The following CHCHD6 variants were observed in gnomAD, a reference collection of about 807,000 sequenced individuals.
CHCHD6 encodes coiled-coil-helix-coiled-coil-helix domain containing 6.
CHCHD6 carries 28 observed loss-of-function variants against 32.3 expected under a neutral mutation model. The ratio of observed to expected loss-of-function variants is 0.87; its 90% CI spans 0.64 to 1.19. CHCHD6 has a LOEUF of 1.19. CHCHD6 is among the 50% of genes most tolerant of loss of function. The probability of loss-of-function intolerance (pLI) is 0.00; values close to 1 mark genes in which losing one functional copy is unlikely to be tolerated. For synonymous variants in CHCHD6, 122 were observed against 117.5 expected (o/e 1.04, Z -0.25); for missense variants, 333 against 307.0 (o/e 1.08, Z -0.63).
chr3:126,910,020 T>C (rs1325051753), intron 5 of CHCHD6, among the ~76,000 whole-genome samples: 4 of 152,206 alleles, frequency 2.6e-5, no homozygotes, highest in Non-Finnish European at 5.9e-5. Flanking sequence ...GTCACGCCTA[T>C]AATCCCAACA....
chr3:126,817,693 A>G (rs1206053996), intron 4 of CHCHD6, among the ~76,000 whole-genome samples: 2 of 152,108 alleles, frequency 1.3e-5, no homozygotes, highest in Non-Finnish European at 2.9e-5. Flanking sequence ...CGTAGGTAGC[A>G]CTCGAGGCCC....
chr3:126,770,071 G>C lies in CHCHD6; in HGVS notation c.411+36849G>C, dbSNP rs9822526. 2.0e-3 allele frequency among the ~76,000 whole-genome samples: 301 copies of C among 151,996 alleles called. 3 individuals carry two copies. The highest frequency in any genetic ancestry group is 6.9e-3 in the African/African-American group (285 of 41,452). ...AGAGATTTTTTACCTCCTTGGTTAC[G>C]TGTATTCTAAGGTATTTTATTCTTT... On this transcript the variant is annotated intron_variant, in intron 4 of 7. Transcript: ENST00000290913.
chr3:126,875,590 C>T (rs2077529832), intron 5 of CHCHD6, among the ~76,000 whole-genome samples: 1 of 152,178 alleles, frequency 6.6e-6, no homozygotes, highest in African/African-American at 2.4e-5. Flanking sequence ...ATGAAAGACT[C>T]CCGAGGCTTC....
intron 4 of CHCHD6, among the ~76,000 whole-genome samples, chr3:126,794,297 T>TTA (rs900070136): frequency 1.1e-4 from 16 of 148,140 alleles, no homozygotes; most frequent in Non-Finnish European, 1.8e-4. Flanking sequence ...TTGTATATAT[T>TTA]TATATATATA....
chr3:126,859,620 A>T (rs1941786613), intron 5 of CHCHD6, among the ~76,000 whole-genome samples: 1 of 152,210 alleles, frequency 6.6e-6, no homozygotes, highest in Non-Finnish European at 1.5e-5. Flanking sequence ...TCCTTGCAGC[A>T]ACCCTGTAAG....
intron 4 of CHCHD6, among the ~76,000 whole-genome samples, chr3:126,803,604 A>G (rs942438062): frequency 6.6e-6 from 1 of 152,220 alleles, no homozygotes; most frequent in Non-Finnish European, 1.5e-5. Flanking sequence ...AGACTCCCAC[A>G]CAATAATAAT....
intron 4 of CHCHD6, among the ~76,000 whole-genome samples, chr3:126,840,842 G>A (rs1294218646): frequency 2.0e-5 from 3 of 151,796 alleles, no homozygotes; most frequent in Non-Finnish European, 4.4e-5. Context: ...GTATGGGTTA[G>A]GAAACTCTGG....
intron 4 of CHCHD6, among the ~76,000 whole-genome samples, chr3:126,847,566 C>G (rs1365315994): frequency 6.6e-6 from 1 of 152,148 alleles, no homozygotes; most frequent in Non-Finnish European, 1.5e-5. Context: ...AATAATGAGT[C>G]TCAAGTTCCA....
At chr3:126,917,013 A>G (rs2078181424) in intron 6 of CHCHD6, among the ~76,000 whole-genome samples, 1 of 152,220 alleles carries the variant, frequency 6.6e-6, no homozygotes, top group South Asian at 2.1e-4. Context: ...GCCCACCATC[A>G]TGAGGGCAGG....
chr3:126,859,130 T>C (rs1421945873), intron 5 of CHCHD6, among the ~76,000 whole-genome samples: 1 of 152,158 alleles, frequency 6.6e-6, no homozygotes, highest in Non-Finnish European at 1.5e-5. Flanking sequence ...AGTAAATGTT[T>C]GCAGGAATAA....
At chr3:126,874,400 C>T (rs2077514611) in intron 5 of CHCHD6, among the ~76,000 whole-genome samples, 1 of 152,104 alleles carries the variant, frequency 6.6e-6, no homozygotes, top group Admixed American at 6.5e-5. Context: ...TGGAGCTGGC[C>T]AACGTCTGGG....
At chr3:126,774,716 G>A (rs1247715207) in intron 4 of CHCHD6, among the ~76,000 whole-genome samples, 1 of 152,216 alleles carries the variant, frequency 6.6e-6, no homozygotes, top group African/African-American at 2.4e-5. Context: ...TTGTGAGGGT[G>A]GAAGTCCAGG....
At chr3:126,953,735 C>A (rs1410363748) in intron 6 of CHCHD6, among the ~76,000 whole-genome samples, 1 of 152,206 alleles carries the variant, frequency 6.6e-6, no homozygotes. Context: ...ATGGTGTGAA[C>A]CCCTTCGAAG....
At chr3:126,749,709 A>G (rs1477748007) in intron 4 of CHCHD6, among the ~76,000 whole-genome samples, 4 of 152,234 alleles carry the variant, frequency 2.6e-5, no homozygotes, top group African/African-American at 4.8e-5. Context: ...ACCAGTGCGA[A>G]GGGGACACGG....
intron 4 of CHCHD6, among the ~76,000 whole-genome samples, chr3:126,765,140 C>A (rs922261648): frequency 5.3e-5 from 8 of 152,128 alleles, no homozygotes; most frequent in African/African-American, 1.4e-4. Flanking sequence ...ACAACAACAA[C>A]AAAAAAACTT....
intron 5 of CHCHD6, among the ~76,000 whole-genome samples, chr3:126,906,810 T>G (rs2078014445): frequency 6.6e-6 from 1 of 152,342 alleles, no homozygotes; most frequent in South Asian, 2.1e-4. Flanking sequence ...CGTTCATTAT[T>G]CATTGGATCC....
intron 6 of CHCHD6, chr3:126,953,326 G>GTT (rs910243029): frequency 1.8e-5 from 3 of 171,126 alleles, no homozygotes; most frequent in African/African-American, 7.2e-5. Flanking sequence ...AGGCACCACT[G>GTT]AGGCTGGGCG....
chr3:126,748,045 C>T (rs1357717147), intron 4 of CHCHD6, among the ~76,000 whole-genome samples: 3 of 152,110 alleles, frequency 2.0e-5, no homozygotes, highest in Non-Finnish European at 4.4e-5. Flanking sequence ...CTCCTTGCTT[C>T]CTCTCCTCTT....
intron 4 of CHCHD6, among the ~76,000 whole-genome samples, chr3:126,812,493 G>A (rs1270594516): frequency 6.6e-6 from 1 of 151,330 alleles, no homozygotes; most frequent in African/African-American, 2.4e-5. Context: ...GCGCGATCTC[G>A]GCTTACTGCA....
Sources: allele counts gnomAD v4.1 joint callset (sites outside exome capture counted in the v4.1 genomes callset), GRCh38; gene constraint gnomAD v4.1.1; transcripts MANE v1.5; gene names NCBI Gene and HGNC (gene_info 2026-07-23, HGNC 2026-07-21).